ROBO2: variants seen among roughly 807,000 people sequenced by gnomAD.
ROBO2 encodes the protein roundabout homolog 2.
Under a neutral mutation model 160.8 loss-of-function variants are expected in ROBO2, and 53 were observed. The ratio of observed to expected loss-of-function variants is 0.33; its 90% CI spans 0.26 to 0.41. ROBO2 has a LOEUF of 0.41. Ranked by LOEUF, ROBO2 falls within the 10% of genes least tolerant of loss-of-function variation. The pLI is 1.00. For synonymous variants in ROBO2, 664 were observed against 611.7 expected, an observed-to-expected ratio of 1.09 and a Z score of -1.26; for missense variants, 1,577 against 1,722.4, an observed-to-expected ratio of 0.92 and a Z score of 1.49.
intron 2 of ROBO2, among the ~76,000 whole-genome samples, chr3:77,010,414 T>G (rs1348393113): frequency 6.6e-6 from 1 of 152,190 alleles, no homozygotes; most frequent in African/African-American, 2.4e-5. Context: ...ACAACTCTGC[T>G]GCTTAACATT....
In ROBO2 at chr3:77,541,735, G is replaced by T. The variant is rs185353708; in HGVS notation, c.935-4603G>T. On this transcript the variant is annotated intron_variant, in intron 6 of 25. Coordinates refer to ENST00000461745, the Ensembl canonical transcript of ROBO2. ...ATCACGTGACAGATTAAGCAAGTAGGATATTACATCATAGTTAACAAAAGA... is the reference window on the plus strand; with the variant it reads ...ATCACGTGACAGATTAAGCAAGTAGTATATTACATCATAGTTAACAAAAGA... 1.6e-4 allele frequency among the ~76,000 whole-genome samples: 25 copies of T among 152,270 alleles called. 1 individual carries two copies. The highest frequency in any genetic ancestry group is 5.8e-4 in the African/African-American group (24 of 41,556).
chr3:76,972,526 A>ATT (rs1167212540), intron 2 of ROBO2, among the ~76,000 whole-genome samples: 1 of 152,012 alleles, frequency 6.6e-6, no homozygotes, highest in African/African-American at 2.4e-5. Flanking sequence ...ATTTGTATAG[A>ATT]TTATATATAT....
chr3:76,694,346 T>C (rs991375982), intron 2 of ROBO2, among the ~76,000 whole-genome samples: 2 of 152,192 alleles, frequency 1.3e-5, no homozygotes, highest in Non-Finnish European at 2.9e-5. Context: ...CCTTCTGTTG[T>C]ACTCTATCAC....
chr3:77,234,911 G>A (rs1475085627), intron 2 of ROBO2, among the ~76,000 whole-genome samples: 2 of 152,280 alleles, frequency 1.3e-5, no homozygotes, highest in East Asian at 1.9e-4. Context: ...ATCAAGGGAA[G>A]CAATGGCGTT....
intron 2 of ROBO2, among the ~76,000 whole-genome samples, chr3:76,739,241 CAAT>C (rs2093762553): frequency 6.6e-6 from 1 of 151,998 alleles, no homozygotes; most frequent in African/African-American, 2.4e-5. Flanking sequence ...AAATGTCCAA[CAAT>C]GATAGACTGG....
intron 2 of ROBO2, among the ~76,000 whole-genome samples, chr3:77,216,717 C>A (rs1258874487): frequency 6.6e-6 from 1 of 152,110 alleles, no homozygotes; most frequent in South Asian, 2.1e-4. Flanking sequence ...CATCTTGGCT[C>A]CACCCCACAA....
intron 2 of ROBO2, among the ~76,000 whole-genome samples, chr3:77,233,826 A>T (rs1580235286): frequency 1.3e-5 from 2 of 152,324 alleles, no homozygotes; most frequent in South Asian, 4.1e-4. Flanking sequence ...CTTAAATGAA[A>T]TGAAATTTAT....
intron 2 of ROBO2, among the ~76,000 whole-genome samples, chr3:76,452,908 C>A (rs2077549053): frequency 6.6e-6 from 1 of 152,164 alleles, no homozygotes; most frequent in Non-Finnish European, 1.5e-5. Context: ...TTTTGATTTG[C>A]ATTTCTCTGA....
chr3:77,439,551 G>A (rs758406420), intron 2 of ROBO2, among the ~76,000 whole-genome samples: 17 of 151,932 alleles, frequency 1.1e-4, no homozygotes, highest in African/African-American at 3.6e-4. Flanking sequence ...AAATACTTAC[G>A]TTGTTCAGGG....
intron 2 of ROBO2, among the ~76,000 whole-genome samples, chr3:77,253,184 T>C (rs567553731): frequency 6.6e-6 from 1 of 152,242 alleles, no homozygotes; most frequent in East Asian, 1.9e-4. Flanking sequence ...TCTGAAGTCA[T>C]GGTTTCAACG....
intron 1 of ROBO2, among the ~76,000 whole-genome samples, chr3:77,093,415 G>C (rs1178945241): frequency 1.3e-5 from 2 of 151,874 alleles, no homozygotes; most frequent in African/African-American, 4.8e-5. Context: ...TTTATTTTTT[G>C]ACCAAATAAT....
chr3:76,148,489 T>G (rs2106820130), intron 2 of ROBO2, among the ~76,000 whole-genome samples: 1 of 152,128 alleles, frequency 6.6e-6, no homozygotes, highest in African/African-American at 2.4e-5. Context: ...TTCATTACAG[T>G]CCTCCATTCG....
At chr3:76,714,410 T>C (rs1392297642) in intron 2 of ROBO2, among the ~76,000 whole-genome samples, 1 of 152,110 alleles carries the variant, frequency 6.6e-6, no homozygotes, top group African/African-American at 2.4e-5. Flanking sequence ...TCTGAACTCA[T>C]TGAACAACAA....
chr3:77,358,421 G>A (rs367752754), intron 2 of ROBO2, among the ~76,000 whole-genome samples: 8 of 152,024 alleles, frequency 5.3e-5, no homozygotes, highest in African/African-American at 1.4e-4. Flanking sequence ...TTTTATCTGC[G>A]ACAAACTTAT....
At chr3:77,592,503 C>A (rs896568077) in intron 17 of ROBO2, among the ~76,000 whole-genome samples, 3 of 152,020 alleles carry the variant, frequency 2.0e-5, no homozygotes, top group Admixed American at 6.6e-5. Context: ...CATACTCTAA[C>A]AAGTTTGCAA....
At chr3:76,233,634 C>G (rs908523356) in intron 2 of ROBO2, among the ~76,000 whole-genome samples, 6 of 152,186 alleles carry the variant, frequency 3.9e-5, no homozygotes, top group African/African-American at 9.7e-5. Context: ...TTACCACTGT[C>G]TACTCATTCA....
intron 2 of ROBO2, among the ~76,000 whole-genome samples, chr3:76,273,788 G>A (rs545069174): frequency 2.0e-5 from 3 of 152,242 alleles, no homozygotes; most frequent in East Asian, 3.9e-4. Flanking sequence ...ATGACATGTG[G>A]GGATTATGGG....
intron 2 of ROBO2, among the ~76,000 whole-genome samples, chr3:76,691,475 TA>T (rs968291772): frequency 2.3e-4 from 35 of 149,706 alleles, no homozygotes; most frequent in Admixed American, 8.7e-4. Context: ...AGGTGGAAGC[TA>T]AAAAAAAATT....
chr3:76,062,408 A>G (rs1253334460), intron 2 of ROBO2, among the ~76,000 whole-genome samples: 1 of 152,154 alleles, frequency 6.6e-6, no homozygotes, highest in Non-Finnish European at 1.5e-5. Flanking sequence ...CCAAACAATT[A>G]CAGGTGTAAG....
Sources: gnomAD v4.1 joint callset for allele counts (sites outside exome capture counted in the v4.1 genomes callset) on GRCh38, gnomAD v4.1.1 for gene constraint, MANE v1.5 for transcripts, NCBI Gene and HGNC (gene_info 2026-07-23, HGNC 2026-07-21) for gene names.